The following PLBD1 variants were observed in gnomAD, a reference collection of about 807,000 sequenced individuals.
The protein encoded by PLBD1 is phospholipase B domain containing 1.
A neutral mutation model predicts 63.0 loss-of-function variants in PLBD1; 60 were observed. The ratio of observed to expected loss-of-function variants is 0.95; its 90% CI spans 0.77 to 1.18. The LOEUF (loss-of-function observed/expected upper bound fraction) is 1.18, where lower values mean the gene tolerates loss of function less well. Among genes scored for constraint, PLBD1 ranks in the 50% most tolerant of loss-of-function variants. The pLI is 0.00. For missense variants in PLBD1, 598 were observed against 677.9 expected (o/e 0.88, Z 1.31); for synonymous variants, 262 against 248.0 (o/e 1.06, Z -0.53).
At chr12:14,538,279 C>T (rs10772789) in intron 4 of PLBD1, among the ~76,000 whole-genome samples, 136,176 of 151,984 alleles carry the variant, frequency 0.9, 62,350 homozygotes, top group East Asian at 0.99. Flanking sequence ...CTGCAACCTC[C>T]GCATCCTGAG....
intron 6 of PLBD1, among the ~76,000 whole-genome samples, chr12:14,535,370 T>C (rs1485512627): frequency 6.6e-6 from 1 of 152,230 alleles, no homozygotes; most frequent in Non-Finnish European, 1.5e-5. Context: ...CAAAGAGTCT[T>C]GTACTTGATA....
intron 2 of PLBD1, among the ~76,000 whole-genome samples, chr12:14,547,623 C>G (rs1592007081): frequency 6.6e-6 from 1 of 152,186 alleles, no homozygotes; most frequent in Non-Finnish European, 1.5e-5. Flanking sequence ...AAGTTTCCTG[C>G]TAATTTGGCT....
intron 8 of PLBD1, among the ~76,000 whole-genome samples, chr12:14,508,542 G>T (rs1945272122): frequency 6.6e-6 from 1 of 152,182 alleles, no homozygotes; most frequent in African/African-American, 2.4e-5. Context: ...GCTGAGGCAG[G>T]TGGATTGCTT....
chr12:14,527,250 C>T (rs1180852102), intron 6 of PLBD1, among the ~76,000 whole-genome samples: 1 of 151,880 alleles, frequency 6.6e-6, no homozygotes, highest in East Asian at 1.9e-4. Context: ...GGACTTTTGG[C>T]AGGGAAAATA....
At chr12:14,542,182 G>A (rs764420185) in intron 3 of PLBD1, 26 bp downstream of exon 3, 12 of 1,546,690 alleles carry the variant, frequency 7.8e-6, no homozygotes, top group Non-Finnish European at 1.1e-5. Flanking sequence ...TTAAAACAAT[G>A]AAAAGAGAAA....
At position 14,506,973 on chromosome 12, in the gene PLBD1, C is replaced by A; in HGVS notation, c.1332G>T (p.Val444=). The A allele has an allele frequency of 6.2e-7, 1 of 1,614,112 alleles. No individual in the cohort carries two copies. The part of the protein sequence containing the change: ...AKIFRRDQGK[V]TDTASMKYIM... ...TATATTTCATGGATGCCGTATCAGTCACTTTCCCTTGGTCACGCCGGAAAA... is the reference window on the plus strand; with the variant it reads ...TATATTTCATGGATGCCGTATCAGTAACTTTCCCTTGGTCACGCCGGAAAA... The change falls in exon 9 of 11, where the codon GTG becomes GTT. Residue 444 remains valine (V), a synonymous_variant. Transcript: ENST00000240617.
chr12:14,510,149 A>G (rs12298450), intron 8 of PLBD1, among the ~76,000 whole-genome samples: 3,387 of 152,224 alleles, frequency 0.022, 103 homozygotes, highest in African/African-American at 0.077. Context: ...GCTGGGCACC[A>G]CAATTTGGAA....
intron 2 of PLBD1, among the ~76,000 whole-genome samples, chr12:14,551,551 T>A (rs1011660854): frequency 2.0e-5 from 3 of 152,198 alleles, no homozygotes; most frequent in Admixed American, 6.5e-5. Flanking sequence ...TGTTAAAGCT[T>A]ATTTTTTTCT....
intron 6 of PLBD1, among the ~76,000 whole-genome samples, chr12:14,523,439 C>A (rs1005980958): frequency 2.0e-5 from 3 of 151,728 alleles, no homozygotes; most frequent in Non-Finnish European, 2.9e-5. Flanking sequence ...CAATCTCTAT[C>A]AAAATACCAA....
At chr12:14,510,163 C>T (rs550401829) in intron 8 of PLBD1, among the ~76,000 whole-genome samples, 18 of 152,126 alleles carry the variant, frequency 1.2e-4, no homozygotes, top group Non-Finnish European at 1.8e-4. Flanking sequence ...TTTGGAAGGC[C>T]GACGCAGACA....
intron 1 of PLBD1, among the ~76,000 whole-genome samples, chr12:14,566,495 T>G (rs575108481): frequency 1.7e-4 from 26 of 152,318 alleles, no homozygotes; most frequent in African/African-American, 6.0e-4. Context: ...ATTATTACTT[T>G]AGAATTCTTT....
At chr12:14,544,431 C>T (rs1945600558) in intron 2 of PLBD1, among the ~76,000 whole-genome samples, 1 of 152,190 alleles carries the variant, frequency 6.6e-6, no homozygotes. Context: ...ACCTCAGCCT[C>T]CCAAAGTACT....
chr12:14,567,701 C>T lies in PLBD1; in HGVS notation c.-5G>A. On this transcript the variant is annotated 5_prime_UTR_variant, in exon 1 of 11. Transcript: ENST00000240617. ...GCCCGGACCGCCGCGGGTCATCGCT[C>T]CACGGCCGCGACCTTCCTCTGCGGG... 2 of 1,434,282 alleles carry T rather than the reference C, an allele frequency of 1.4e-6. No homozygotes were observed. Among genetic ancestry groups the T allele is most frequent in the Non-Finnish European group, 1.8e-6 (2 of 1,107,306 alleles). The allele number at this position is 1,434,282 out of a possible 1,614,324, so 88.8% of individuals were successfully genotyped here.
Position 14,540,882 on chromosome 12 carries a change from C to T in PLBD1, c.440G>A (p.Arg147Gln), listed in dbSNP as rs201286648. The T allele has an allele frequency of 1.9e-6, 3 of 1,599,154 alleles. No individual in the cohort carries two copies. The highest frequency in any genetic ancestry group is 3.4e-5 in the Admixed American group (2 of 59,608). ...DFMEKQDKWT[R>Q]KNIKEYKTDS... Reference sequence around the variant, plus strand: ...AGTCTTGTATTCTTTGATATTTTTCCGGGTCCACTTATCTTGCTTCCTGGA... The same window carrying T: ...AGTCTTGTATTCTTTGATATTTTTCTGGGTCCACTTATCTTGCTTCCTGGA... The change falls in exon 4 of 11, where the codon CGG becomes CAG. Residue 147 changes from arginine to glutamine, a missense_variant. Transcript: ENST00000240617.
intron 6 of PLBD1, among the ~76,000 whole-genome samples, chr12:14,515,442 C>T (rs1945329928): frequency 6.6e-6 from 1 of 151,436 alleles, no homozygotes; most frequent in Non-Finnish European, 1.5e-5. Context: ...CTGCAAAATC[C>T]ATTTATAATT....
At chr12:14,512,821 G>A (rs11056003) in intron 6 of PLBD1, among the ~76,000 whole-genome samples, 3,409 of 152,216 alleles carry the variant, frequency 0.022, 110 homozygotes, top group African/African-American at 0.077. Flanking sequence ...AAACAGTCCC[G>A]AGGGAGCTAG....
chr12:14,556,720 C>T (rs536531937), intron 1 of PLBD1, among the ~76,000 whole-genome samples: 1 of 150,762 alleles, frequency 6.6e-6, no homozygotes, highest in East Asian at 2.0e-4. Flanking sequence ...TGCAGTGGTT[C>T]ACCGCTGTAA....
At chr12:14,528,515 TAAATTAGA>T (rs756786153) in intron 6 of PLBD1, among the ~76,000 whole-genome samples, 5 of 152,148 alleles carry the variant, frequency 3.3e-5, no homozygotes, top group Non-Finnish European at 7.4e-5. Context: ...TAAATCGTGA[TAAATTAGA>T]AAATATTCTA....
intron 1 of PLBD1, among the ~76,000 whole-genome samples, chr12:14,556,882 G>A (rs977042035): frequency 8.0e-5 from 12 of 150,242 alleles, no homozygotes; most frequent in African/African-American, 2.4e-4. Flanking sequence ...TACTTGGGAG[G>A]CTAGGGCAGG....
Sources: allele counts gnomAD v4.1 joint callset (sites outside exome capture counted in the v4.1 genomes callset), GRCh38; gene constraint gnomAD v4.1.1; transcripts MANE v1.5; gene names NCBI Gene and HGNC (gene_info 2026-07-23, HGNC 2026-07-21).